LRRC49: variants seen among roughly 807,000 people sequenced by gnomAD.
LRRC49 encodes leucine rich repeat containing 49, also known as leucine-rich repeat-containing protein 49.
LRRC49 carries 50 observed loss-of-function variants against 83.3 expected under a neutral mutation model. That is an observed-to-expected ratio of 0.60 (90% CI 0.48 to 0.76). The LOEUF is 0.76. Among genes scored for constraint, LRRC49 ranks in the 30% least tolerant of loss-of-function variants. The probability of loss-of-function intolerance (pLI) is 0.00; values close to 1 mark genes in which losing one functional copy is unlikely to be tolerated. For synonymous variants in LRRC49, 286 were observed against 283.3 expected, an observed-to-expected ratio of 1.01 and a Z score of -0.10; for missense variants, 704 against 809.1, an observed-to-expected ratio of 0.87 and a Z score of 1.58.
At position 70,895,837 on chromosome 15, in the gene LRRC49, A is replaced by G; in HGVS notation, c.106-12A>G. 2 of 1,563,074 alleles carry G rather than the reference A, an allele frequency of 1.3e-6. No homozygotes were observed. Among genetic ancestry groups the G allele is most frequent in the Non-Finnish European group, 1.7e-6 (2 of 1,146,046 alleles). ...GTCTCCAAATATTTTTTTCTTTAATAATGTTTTTCAGGTTGAATTCAAGCT... is the reference window on the plus strand; with the variant it reads ...GTCTCCAAATATTTTTTTCTTTAATGATGTTTTTCAGGTTGAATTCAAGCT... On this transcript the variant is annotated splice_polypyrimidine_tract_variant and intron_variant, in intron 2 of 15. Transcript: ENST00000260382.
intron 8 of LRRC49, among the ~76,000 whole-genome samples, chr15:70,946,358 C>T (rs1268427214): frequency 1.3e-5 from 2 of 152,048 alleles, no homozygotes; most frequent in Admixed American, 1.3e-4. Flanking sequence ...TTTTCTGTGC[C>T]TGGCTTATTT....
chr15:70,923,929 G>T (rs183459873), intron 7 of LRRC49, among the ~76,000 whole-genome samples: 1 of 151,918 alleles, frequency 6.6e-6, no homozygotes, highest in East Asian at 1.9e-4. Context: ...TATAACAACA[G>T]TACCACTATC....
At chr15:70,942,062 TG>T (rs1191167961) in intron 8 of LRRC49, among the ~76,000 whole-genome samples, 1 of 151,742 alleles carries the variant, frequency 6.6e-6, no homozygotes, top group Non-Finnish European at 1.5e-5. Flanking sequence ...TGTGTGTGTG[TG>T]TGTGTGTGTG....
intron 14 of LRRC49, among the ~76,000 whole-genome samples, chr15:71,014,199 G>T (rs1183126072): frequency 6.6e-6 from 1 of 152,116 alleles, no homozygotes; most frequent in Non-Finnish European, 1.5e-5. Flanking sequence ...AATTATAGTT[G>T]TCTGAATAAG....
intron 3 of LRRC49, chr15:70,900,276 A>G: frequency 2.8e-6 from 1 of 359,792 alleles, no homozygotes; most frequent in Non-Finnish European, 5.4e-6. Flanking sequence ...GGTGTCATAT[A>G]CTTTGTGGAC....
intron 9 of LRRC49, among the ~76,000 whole-genome samples, chr15:70,968,451 A>G (rs976453646): frequency 1.3e-5 from 2 of 152,172 alleles, no homozygotes; most frequent in African/African-American, 2.4e-5. Flanking sequence ...ATACGTATGC[A>G]TGTGTCTTTA....
intron 7 of LRRC49, among the ~76,000 whole-genome samples, chr15:70,928,553 TTTAA>T (rs1567056623): frequency 3.3e-5 from 5 of 151,576 alleles, no homozygotes; most frequent in African/African-American, 1.2e-4. Flanking sequence ...TATTTATTTA[TTTAA>T]TTTTCTTTTA....
At chr15:71,002,925 G>C (rs1028069292) in intron 11 of LRRC49, among the ~76,000 whole-genome samples, 3 of 119,122 alleles carry the variant, frequency 2.5e-5, no homozygotes, top group African/African-American at 9.1e-5. Flanking sequence ...AAAAGGCATA[G>C]GATATTTTCT....
At chr15:70,936,931 T>G (rs2035620789) in intron 8 of LRRC49, 109 bp downstream of exon 8, 1 of 693,132 alleles carries the variant, frequency 1.4e-6, no homozygotes, top group Non-Finnish European at 2.5e-6. Flanking sequence ...CATGGAAGAT[T>G]TTAAATTAGA....
chr15:71,039,168 T>C (rs2039622764), intron 15 of LRRC49, among the ~76,000 whole-genome samples: 1 of 151,990 alleles, frequency 6.6e-6, no homozygotes, highest in Non-Finnish European at 1.5e-5. Context: ...GTATAAAACA[T>C]GTAAGGAGAG....
At chr15:70,993,637 A>G (rs1053687301) in intron 11 of LRRC49, among the ~76,000 whole-genome samples, 1 of 152,152 alleles carries the variant, frequency 6.6e-6, no homozygotes, top group African/African-American at 2.4e-5. Context: ...GCAAAATATA[A>G]TTTTACTTGG....
intron 6 of LRRC49, among the ~76,000 whole-genome samples, chr15:70,916,326 G>A (rs376673259): frequency 1.1e-4 from 17 of 152,038 alleles, no homozygotes; most frequent in Admixed American, 7.9e-4. Flanking sequence ...GTGGAGTTTC[G>A]CTCTGTCGCC....
At chr15:70,903,743 C>T (rs1399671440) in intron 4 of LRRC49, among the ~76,000 whole-genome samples, 1 of 152,160 alleles carries the variant, frequency 6.6e-6, no homozygotes, top group Non-Finnish European at 1.5e-5. Flanking sequence ...TAGAATCACG[C>T]AGGACCTCAT....
At chr15:70,854,158 G>T in intron 1 of LRRC49, 2 of 1,120,522 alleles carry the variant, frequency 1.8e-6, no homozygotes, top group Non-Finnish European at 2.2e-6. Flanking sequence ...GGCAGCGACT[G>T]CGACGAGGGG....
chr15:71,046,000 T>C (rs1273380018), intron 15 of LRRC49, among the ~76,000 whole-genome samples: 3 of 152,220 alleles, frequency 2.0e-5, no homozygotes, highest in Non-Finnish European at 4.4e-5. Flanking sequence ...CAGTTCCATC[T>C]ATGTTGCTGC....
intron 11 of LRRC49, among the ~76,000 whole-genome samples, chr15:70,998,448 T>C (rs796809956): frequency 7.2e-5 from 11 of 152,188 alleles, no homozygotes; most frequent in African/African-American, 2.6e-4. Context: ...TTTTGCCATA[T>C]ATAATTTTGG....
chr15:70,969,234 T>C (rs1041669789), intron 9 of LRRC49, among the ~76,000 whole-genome samples: 1 of 152,222 alleles, frequency 6.6e-6, no homozygotes, highest in South Asian at 2.1e-4. Flanking sequence ...ATTCATTAAA[T>C]AGGGAATCCT....
intron 7 of LRRC49, among the ~76,000 whole-genome samples, chr15:70,934,981 T>C (rs2141155512): frequency 6.6e-6 from 1 of 152,320 alleles, no homozygotes; most frequent in East Asian, 1.9e-4. Flanking sequence ...CTTTGGAAAC[T>C]AGGGCCCTGG....
chr15:70,892,281 T>C (rs758197787), upstream of LRRC49: 13 of 1,557,132 alleles, frequency 8.3e-6, no homozygotes, highest in African/African-American at 1.8e-4. Flanking sequence ...ATGGCGGCCG[T>C]CTTCGGTGCG....
Sources: allele counts gnomAD v4.1 joint callset (sites outside exome capture counted in the v4.1 genomes callset), GRCh38; gene constraint gnomAD v4.1.1; transcripts MANE v1.5; gene names NCBI Gene and HGNC (gene_info 2026-07-23, HGNC 2026-07-21).